The following PACRG variants were observed in gnomAD, a reference collection of about 807,000 sequenced individuals.
PACRG encodes the protein parkin coregulated, also known as parkin coregulated gene protein.
In PACRG, 29 loss-of-function variants were observed where a neutral mutation model predicts 29.7. That is an observed-to-expected ratio of 0.98 (90% CI 0.73 to 1.33). The LOEUF (loss-of-function observed/expected upper bound fraction) is 1.33, where lower values mean the gene tolerates loss of function less well. Ranked by LOEUF, PACRG falls within the 40% of genes most tolerant of loss-of-function variation. The pLI, the probability that PACRG is intolerant of heterozygous loss-of-function variation, is 0.00. For missense variants in PACRG, 279 were observed against 316.2 expected (o/e 0.88, Z 0.89); for synonymous variants, 116 against 118.7 (o/e 0.98, Z 0.15).
chr6:163,269,943 G>GAAAGAAAGAAAGAAAGAAAGAAAGAAAAC (rs1783733795), intron 4 of PACRG, among the ~76,000 whole-genome samples: 11 of 27,044 alleles, frequency 4.1e-4, no homozygotes, highest in South Asian at 1.7e-3. Context: ...AAGAAAGAAA[G>GAAAGAAAGAAAGAAAGAAAGAAAGAAAAC]AAAGAAAGAA....
chr6:163,208,481 A>G (rs13219179), intron 4 of PACRG, among the ~76,000 whole-genome samples: 43,097 of 152,040 alleles, frequency 0.28, 6,455 homozygotes, highest in East Asian at 0.43. Context: ...TTAATAAATC[A>G]ATTCTGTGAT....
chr6:163,292,876 C>T (rs1229373019), intron 4 of PACRG, among the ~76,000 whole-genome samples: 1 of 152,162 alleles, frequency 6.6e-6, no homozygotes, highest in East Asian at 1.9e-4. Flanking sequence ...GATTTTCCTC[C>T]ATTCCTTGTG....
At chr6:163,074,194 G>A (rs1216178875) in intron 3 of PACRG, among the ~76,000 whole-genome samples, 1 of 151,998 alleles carries the variant, frequency 6.6e-6, no homozygotes, top group African/African-American at 2.4e-5. Flanking sequence ...CAGATGAATG[G>A]ATAAAAAAAA....
intron 2 of PACRG, among the ~76,000 whole-genome samples, chr6:162,951,063 G>A (rs1156941366): frequency 1.3e-5 from 2 of 152,188 alleles, no homozygotes; most frequent in Non-Finnish European, 2.9e-5. Flanking sequence ...TGGTTTGTGG[G>A]TGTGTATTTT....
chr6:163,090,781 A>G (rs769726183), intron 4 of PACRG, among the ~76,000 whole-genome samples: 108 of 152,210 alleles, frequency 7.1e-4, no homozygotes, highest in Non-Finnish European at 3.4e-4. Context: ...GATAGAGATA[A>G]AGATGTTCTG....
chr6:162,801,108 T>C (rs1785820594), intron 1 of PACRG, among the ~76,000 whole-genome samples: 1 of 152,148 alleles, frequency 6.6e-6, no homozygotes, highest in Non-Finnish European at 1.5e-5. Context: ...ATCTTTTAGC[T>C]GAAATATTTG....
At chr6:162,818,509 C>G (rs2137878) in intron 2 of PACRG, among the ~76,000 whole-genome samples, 1 of 151,864 alleles carries the variant, frequency 6.6e-6, no homozygotes, top group Non-Finnish European at 1.5e-5. Context: ...AAATAAAGAG[C>G]GAAGAGAAGC....
chr6:162,780,832 A>G (rs1784040373), intron 1 of PACRG, among the ~76,000 whole-genome samples: 2 of 152,096 alleles, frequency 1.3e-5, no homozygotes, highest in African/African-American at 2.4e-5. Context: ...GAGAACAGCC[A>G]TAGAAAATAT....
At position 162,838,192 on chromosome 6, in the gene PACRG, A is replaced by C. The variant is rs973673401; in HGVS notation, c.291+23911A>C. 7.9e-5 allele frequency among the ~76,000 whole-genome samples: 12 copies of C among 152,274 alleles called. 1 individual carries two copies. Among genetic ancestry groups the C allele is most frequent in the African/African-American group, 2.9e-4 (12 of 41,558 alleles). On this transcript the variant is annotated intron_variant, in intron 2 of 4. Transcript: ENST00000366888. The stretch of plus-strand genomic sequence containing the variant: ...GAGTTTATGCCAACTGCCGTAGAAA[A>C]TAATCCTCTGAATCTCCGTGGCTTG...
At chr6:162,867,855 G>T (rs942575457) in intron 2 of PACRG, among the ~76,000 whole-genome samples, 2 of 152,132 alleles carry the variant, frequency 1.3e-5, no homozygotes, top group African/African-American at 4.8e-5. Flanking sequence ...TAGAGGGAAA[G>T]AACCAGGCCT....
chr6:163,228,459 T>C (rs565091217), intron 4 of PACRG, among the ~76,000 whole-genome samples: 2 of 150,980 alleles, frequency 1.3e-5, no homozygotes, highest in South Asian at 4.2e-4. Context: ...GCTCAACATG[T>C]GCTGGATTAA....
At chr6:162,904,205 T>C (rs914314808) in intron 2 of PACRG, among the ~76,000 whole-genome samples, 13 of 152,174 alleles carry the variant, frequency 8.5e-5, no homozygotes, top group African/African-American at 3.1e-4. Flanking sequence ...GTCAACTGAT[T>C]TTAAGTGTTA....
chr6:163,019,841 C>T (rs1806446729), intron 2 of PACRG, among the ~76,000 whole-genome samples: 1 of 152,202 alleles, frequency 6.6e-6, no homozygotes, highest in Non-Finnish European at 1.5e-5. Flanking sequence ...AGCAATATTG[C>T]TTTCTTATTT....
At chr6:163,118,849 C>G (rs770772801) in intron 4 of PACRG, among the ~76,000 whole-genome samples, 2 of 152,168 alleles carry the variant, frequency 1.3e-5, no homozygotes, top group Non-Finnish European at 2.9e-5. Flanking sequence ...CTCCTCTCAC[C>G]TCCTCTTTCC....
rs1554237793 is a variant in PACRG, at chr6:163,269,789, A to ACAGACAGACAGG, written c.614-45038_614-45037insCAGACAGACAGG. On this transcript the variant is annotated intron_variant, in intron 4 of 4. Transcript: ENST00000366888. ...GACAGACAGACAGACAGACAGAAAGAAAGAAAGGAAGGAAGGAAGGAAGGA... is the reference window on the plus strand; with the variant it reads ...GACAGACAGACAGACAGACAGAAAGACAGACAGACAGGAAGAAAGGAAGGAAGGAAGGAAGGA... Among the ~76,000 whole-genome samples the ACAGACAGACAGG allele has an allele frequency of 1.1e-4, 9 of 84,618 alleles. No individual in the cohort carries two copies. In the East Asian group the frequency reaches 1.4e-3, roughly 14 times the overall value. 55.5% of individuals were successfully genotyped at this position (84,618 alleles called of 152,430 possible).
chr6:162,992,906 C>G (rs1803586852), intron 2 of PACRG, among the ~76,000 whole-genome samples: 1 of 151,894 alleles, frequency 6.6e-6, no homozygotes, highest in African/African-American at 2.4e-5. Context: ...CTACACACTG[C>G]TTTGAGTGCG....
At chr6:162,869,031 C>CTGTGCTGCTGG in intron 2 of PACRG, among the ~76,000 whole-genome samples, 1 of 152,170 alleles carries the variant, frequency 6.6e-6, no homozygotes, top group Non-Finnish European at 1.5e-5. Context: ...ATCCTCTGCT[C>CTGTGCTGCTGG]AGAATTGCTT....
chr6:163,252,413 T>C (rs1782944804), intron 4 of PACRG, among the ~76,000 whole-genome samples: 1 of 152,222 alleles, frequency 6.6e-6, no homozygotes, highest in Admixed American at 6.5e-5. Context: ...GCACGGGTGA[T>C]TCTGGGATGG....
chr6:162,998,911 T>C (rs1804328878), intron 2 of PACRG, among the ~76,000 whole-genome samples: 1 of 152,202 alleles, frequency 6.6e-6, no homozygotes, highest in Non-Finnish European at 1.5e-5. Flanking sequence ...GTGATCACTC[T>C]TTCCTTAGTG....
Sources: allele counts gnomAD v4.1 joint callset (sites outside exome capture counted in the v4.1 genomes callset), GRCh38; gene constraint gnomAD v4.1.1; transcripts MANE v1.5; gene names NCBI Gene and HGNC (gene_info 2026-07-23, HGNC 2026-07-21).